Variants in STS observed in about 807,000 individuals in gnomAD.
STS encodes steryl-sulfatase.
Under a neutral mutation model 26.8 loss-of-function variants are expected in STS, and 7 were observed. That is an observed-to-expected ratio of 0.26 (90% CI 0.15 to 0.49). STS has a LOEUF of 0.49. Among genes scored for constraint, STS ranks in the 20% least tolerant of loss-of-function variants. STS has a pLI of 0.98. For synonymous variants in STS, 199 were observed against 189.4 expected, an observed-to-expected ratio of 1.05 and a Z score of -0.42; for missense variants, 434 against 465.6, an observed-to-expected ratio of 0.93 and a Z score of 0.63.
chrX:7,280,041 C>G (rs879179783), intron 7 of STS, among the ~76,000 whole-genome samples: 1 of 111,984 alleles, frequency 8.9e-6, no homozygotes, highest in Admixed American at 9.5e-5. Context: ...CACTTTGTTT[C>G]TTTTCTTTCC....
chrX:7,257,347 G>A lies in STS; in HGVS notation c.243G>A (p.Arg81=). The A allele has an allele frequency of 8.3e-7, 1 of 1,211,778 alleles. No individual in the cohort carries two copies. Among genetic ancestry groups the A allele is most frequent in the South Asian group, 1.8e-5 (1 of 57,002 alleles). Residue 81 remains arginine, a synonymous_variant, in exon 4 of 11, where the codon CGG becomes CGA. Transcript: ENST00000674429. ...GCAGGGCAGCCTTCATGACTGGCCGGTACCCTGTCCGATCAGGTAACCTCC... is the reference window on the plus strand; with the variant it reads ...GCAGGGCAGCCTTCATGACTGGCCGATACCCTGTCCGATCAGGTAACCTCC... The part of the protein sequence containing the change: ...TPSRAAFMTG[R]YPVRSGMASW...
chrX:7,290,847 G>A (rs1055175931), intron 7 of STS, among the ~76,000 whole-genome samples: 2 of 111,655 alleles, frequency 1.8e-5, no homozygotes, highest in African/African-American at 3.3e-5. Context: ...GAGTGCCTTC[G>A]GTGTATTAAG....
At chrX:7,325,234 A>G in intron 8 of STS, 105 bp from the exon 9 acceptor site, 1 of 822,047 alleles carries the variant, frequency 1.2e-6, no homozygotes, top group South Asian at 2.2e-5. Flanking sequence ...CTATGTAATT[A>G]GAGCAGTTGG....
Position 7,351,983 on chromosome X carries a change from C to G in STS, c.*1722C>G, listed in dbSNP as rs1184928163. The stretch of plus-strand genomic sequence containing the variant: ...GAGAAGAAAGAAGTGATTCCTACCC[C>G]CTACCTCCAGAGTTGTTGAAAGCTG... On this transcript the variant is annotated 3_prime_UTR_variant, in exon 11 of 11. Transcript: ENST00000674429. 1.8e-5 allele frequency: 2 copies of G among 109,857 alleles called. No individual in the cohort carries two copies. Among genetic ancestry groups the G allele is most frequent in the Non-Finnish European group, 3.8e-5 (2 of 52,649 alleles). 9.1% of individuals were successfully genotyped at this position (109,857 alleles called of 1,213,427 possible). A position where few individuals can be genotyped will look rare whatever the true frequency, so the allele number is the denominator to read the frequency against.
At chrX:7,327,576 G>C (rs770452388) in intron 9 of STS, among the ~76,000 whole-genome samples, 2 of 109,280 alleles carry the variant, frequency 1.8e-5, no homozygotes, top group South Asian at 4.0e-4. Context: ...GTAGTGACAG[G>C]GTTTCACCAT....
intron 10 of STS, among the ~76,000 whole-genome samples, chrX:7,335,068 A>G (rs1927948168): frequency 8.9e-6 from 1 of 112,497 alleles, no homozygotes; most frequent in Non-Finnish European, 1.9e-5. Flanking sequence ...CAATAAACAT[A>G]CTTGTGCATG....
chrX:7,182,341 G>A (rs1465238218), intron 1 of STS, among the ~76,000 whole-genome samples: 2 of 109,348 alleles, frequency 1.8e-5, no homozygotes, highest in East Asian at 5.8e-4. Flanking sequence ...TTCTTCTTGA[G>A]CGAATTCTGT....
At chrX:7,237,193 C>G (rs192214399) in intron 2 of STS, among the ~76,000 whole-genome samples, 2 of 96,141 alleles carry the variant, frequency 2.1e-5, no homozygotes, top group East Asian at 3.2e-4. Flanking sequence ...CAGAACCCCC[C>G]CAAAAACCAA....
Position 7,257,514 on chromosome X carries a change from C to T in STS, c.308C>T (p.Ser103Leu). 2 of 1,211,820 alleles carry T rather than the reference C, an allele frequency of 1.7e-6. No individual in the cohort carries two copies. The highest frequency in any genetic ancestry group is 1.1e-6 in the Non-Finnish European group (1 of 895,401). Residue 103 changes from serine to leucine, a missense_variant, in exon 5 of 11, where the codon TCG becomes TTG. By Grantham distance (145) the Ser-to-Leu change is moderately radical (BLOSUM62 -2). Coordinates refer to ENST00000674429, the MANE Select transcript of STS (RefSeq NM_001320752.2). ...GGAGTTTTCCTCTTCACAGCCTCTTCGGGAGGACTTCCCACCGATGAGATT... is the reference window on the plus strand; with the variant it reads ...GGAGTTTTCCTCTTCACAGCCTCTTTGGGAGGACTTCCCACCGATGAGATT... ...RTGVFLFTAS[S>L]GGLPTDEITF...
intron 6 of STS, among the ~76,000 whole-genome samples, chrX:7,265,143 T>G (rs1160889970): frequency 9.0e-6 from 1 of 110,746 alleles, no homozygotes; most frequent in Non-Finnish European, 1.9e-5. Context: ...TTACTGTGTT[T>G]GATAAACAGG....
rs1313956547 is a variant in STS at position 7,354,505 on chromosome X, C to G, written c.*4244C>G. 8.9e-6 allele frequency: 1 copy of G among 112,027 alleles called. No homozygotes were observed. The highest frequency in any genetic ancestry group is 1.9e-5 in the Non-Finnish European group (1 of 53,238). The allele number at this position is 112,027 out of a possible 1,213,427, so 9.2% of individuals were successfully genotyped here. On this transcript the variant is annotated 3_prime_UTR_variant, in exon 11 of 11. Coordinates refer to ENST00000674429, the MANE Select transcript of STS (RefSeq NM_001320752.2). The stretch of plus-strand genomic sequence containing the variant: ...ACTGTGCAGGGTCTTTAGAGCTCAG[C>G]TTTCTGAGGCCCTGAGCATTCTTGG...
intron 8 of STS, among the ~76,000 whole-genome samples, chrX:7,316,520 T>A (rs1926721083): frequency 8.9e-6 from 1 of 112,385 alleles, no homozygotes. Context: ...TACCTGGCTC[T>A]TTAGAGAAAA....
intron 2 of STS, among the ~76,000 whole-genome samples, chrX:7,196,684 T>G (rs1213419504): frequency 8.9e-6 from 1 of 112,191 alleles, no homozygotes; most frequent in Non-Finnish European, 1.9e-5. Context: ...CAAAGATCTT[T>G]AATGCAAACA....
chrX:7,212,931 A>ATGTC (rs1302657591), intron 2 of STS, among the ~76,000 whole-genome samples: 1 of 111,812 alleles, frequency 8.9e-6, no homozygotes, highest in Non-Finnish European at 1.9e-5. Flanking sequence ...AGAAAGTCTA[A>ATGTC]TGTCTGTTCT....
intron 2 of STS, among the ~76,000 whole-genome samples, chrX:7,202,920 G>T (rs1349552054): frequency 4.5e-5 from 5 of 110,285 alleles, no homozygotes; most frequent in Non-Finnish European, 9.5e-5. Context: ...GTCTCTCTGT[G>T]TCTATCTCTC....
At position 7,175,933 on chromosome X, in the gene STS, C is replaced by T. The variant is rs768197865; in HGVS notation, c.-133-14947C>T. On this transcript the variant is annotated intron_variant, in intron 1 of 10. Transcript: ENST00000674429. ...CTGCCTTTCAGCCTCATCCTTAGGA[C>T]TTTAACAATAATACACTATTTGGAC... is the stretch of plus-strand genomic sequence containing the variant. Among the ~76,000 whole-genome samples, 121 of 111,342 alleles carry T rather than the reference C, an allele frequency of 1.1e-3. 1 individual carries two copies. The highest frequency in any genetic ancestry group is 2.0e-3 in the Non-Finnish European group (104 of 53,103).
intron 8 of STS, among the ~76,000 whole-genome samples, chrX:7,313,580 A>G (rs763962486): frequency 8.0e-5 from 9 of 112,551 alleles, no homozygotes; most frequent in African/African-American, 2.3e-4. Flanking sequence ...TTAGTCCTCC[A>G]GCAGGTATCC....
chrX:7,325,381 G>A lies in STS; in HGVS notation c.1124G>A (p.Gly375Asp). ...TGGGAAGGAGGTATCCGGGTTCCAGGCATCCTTCGTTGGCCCAGGGTGATA... is the reference window on the plus strand; with the variant it reads ...TGGGAAGGAGGTATCCGGGTTCCAGACATCCTTCGTTGGCCCAGGGTGATA... ...NNWEGGIRVP[G>D]ILRWPRVIQA... is the part of the protein sequence containing the mutation. Residue 375 changes from glycine to aspartate, a missense_variant, in exon 9 of 11, where the codon GGC (glycine) becomes GAC (aspartate). Physicochemically the swap from Gly to Asp is moderately conservative, Grantham distance 94. Around this residue, in one of 2 missense-constraint regions of STS, gnomAD observed 205 missense variants for 177.3 expected, o/e 1.16. Transcript: ENST00000674429. 8.3e-7 allele frequency: 1 copy of A among 1,211,271 alleles called. No homozygotes were observed. The highest frequency in any genetic ancestry group is 1.1e-6 in the Non-Finnish European group (1 of 895,243).
intron 1 of STS, among the ~76,000 whole-genome samples, chrX:7,165,417 G>A (rs899271338): frequency 3.6e-5 from 4 of 111,059 alleles, no homozygotes; most frequent in African/African-American, 1.3e-4. Context: ...GGGAGGCCAA[G>A]GAGGGCGAGG....
Sources: allele counts gnomAD v4.1 joint callset (sites outside exome capture counted in the v4.1 genomes callset), GRCh38; gene constraint gnomAD v4.1.1; regional missense constraint gnomAD v4.1.1; transcripts MANE v1.5; gene names NCBI Gene and HGNC (gene_info 2026-07-23, HGNC 2026-07-21).